TNS1: variants seen among roughly 807,000 people sequenced by gnomAD.
TNS1 encodes the protein tensin 1.
TNS1 carries 62 observed loss-of-function variants against 168.6 expected under a neutral mutation model. That is an observed-to-expected ratio of 0.37 (90% CI 0.30 to 0.45). The LOEUF (loss-of-function observed/expected upper bound fraction) is 0.45. TNS1 is among the 20% of genes least tolerant of loss of function. TNS1 has a pLI of 1.00. For missense variants in TNS1, 2,240 were observed against 2,339.4 expected, an observed-to-expected ratio of 0.96 and a Z score of 0.88; for synonymous variants, 934 against 933.2, an observed-to-expected ratio of 1.00 and a Z score of -0.02.
rs1942244766 is a variant in TNS1 at position 217,818,301 on chromosome 2, G to T, written c.4031C>A (p.Thr1344Asn). The T allele has an allele frequency of 6.2e-7, 1 of 1,613,624 alleles. No homozygotes were observed. Among genetic ancestry groups the T allele is most frequent in the Non-Finnish European group, 8.5e-7 (1 of 1,179,804 alleles). Reference protein sequence around the residue: ...VSSPQSSAATTPGSPSLCRHP... With the variant: ...VSSPQSSAATNPGSPSLCRHP... Reference sequence around the variant, plus strand: ...CCGACACAGGCTGGGGCTCCCCGGGGTGGTCGCTGCACTGCTCTGGGGGCT... The same window carrying T: ...CCGACACAGGCTGGGGCTCCCCGGGTTGGTCGCTGCACTGCTCTGGGGGCT... The change falls in exon 24 of 33, where the codon ACC becomes AAC. Residue 1344 changes from threonine to asparagine, a missense_variant. By Grantham distance (65) the Thr-to-Asn change is moderately conservative. Around this residue, in one of 2 missense-constraint regions of TNS1, gnomAD observed 2,131 missense variants for 2,171.2 expected, o/e 0.98. Coordinates refer to ENST00000682258, the MANE Select transcript of TNS1 (RefSeq NM_001387777.1).
rs554190041 is a variant in TNS1, at chr2:217,837,923, T to A, written c.3008-1712A>T. Reference sequence around the variant, plus strand: ...CAACCCCAGGCTCCCAGGCCTTAGCTCCCCGGAGCCCCCATCCCACTCAGG... The same window carrying A: ...CAACCCCAGGCTCCCAGGCCTTAGCACCCCGGAGCCCCCATCCCACTCAGG... On this transcript the variant is annotated intron_variant, in intron 19 of 32. Coordinates refer to ENST00000682258, the MANE Select transcript of TNS1 (RefSeq NM_001387777.1). Among the ~76,000 whole-genome samples, 29 of 152,236 alleles carry A rather than the reference T, an allele frequency of 1.9e-4. No individual in the cohort carries two copies. The South Asian group carries it at 6.0e-3, about 32-fold the overall frequency.
chr2:217,848,906 G>T lies in TNS1; in HGVS notation c.1611C>A (p.Ser537=), dbSNP rs376304421. 205 of 1,614,102 alleles carry T rather than the reference G, an allele frequency of 1.3e-4. No homozygotes were observed. The highest frequency in any genetic ancestry group is 1.7e-4 in the Non-Finnish European group (202 of 1,180,042). The change falls in exon 19 of 33, where the codon TCC becomes TCA. Residue 537 remains serine, a synonymous_variant. Coordinates refer to ENST00000682258, the MANE Select transcript of TNS1 (RefSeq NM_001387777.1). ...VSSDSGNSTA[S]TKTDKTDEPV... ...GCTCGTCGGTCTTGTCGGTCTTGGT[G>T]GAGGCTGTGGAGTTGCCCGAGTCGC...
At chr2:217,834,806 G>A (rs999774386) in intron 21 of TNS1, among the ~76,000 whole-genome samples, 1 of 152,176 alleles carries the variant, frequency 6.6e-6, no homozygotes, top group African/African-American at 2.4e-5. Context: ...CTCAAAACAA[G>A]TAAGAAAACT....
In TNS1 at chr2:218,032,423, G is replaced by C. The variant is rs1378249740; in HGVS notation, c.156+1397C>G. On this transcript the variant is annotated intron_variant, in intron 1 of 1. Coordinates refer to the TNS1 transcript ENST00000649572. The surrounding 1 kb of genome is among the most constrained non-coding windows in gnomAD (Gnocchi z 4.0). ...GGAGAGGGCTGTGCTGAGGGGACAG[G>C]AGAATAGCGAGGCTGGGTGTGGACA... Among the ~76,000 whole-genome samples, 1 of 152,184 alleles carries C rather than the reference G, an allele frequency of 6.6e-6. No homozygotes were observed. Among genetic ancestry groups the C allele is most frequent in the Non-Finnish European group, 1.5e-5 (1 of 68,026 alleles).
Position 217,803,158 on chromosome 2 carries a change from C to G in TNS1, c.*1301G>C, listed in dbSNP as rs1184690439. The G allele has an allele frequency of 6.6e-6, 1 of 152,244 alleles. No homozygotes were observed. Among genetic ancestry groups the G allele is most frequent in the Non-Finnish European group, 1.5e-5 (1 of 68,044 alleles). 9.4% of individuals were successfully genotyped at this position (152,244 alleles called of 1,614,324 possible). A position where few individuals can be genotyped will look rare whatever the true frequency, so the allele number is the denominator to read the frequency against. ...CTCTGCTGAGGTCAGAGGGTGCCTGCAAAAGCCAGACCCTAAAACACTTAC... is the reference window on the plus strand; with the variant it reads ...CTCTGCTGAGGTCAGAGGGTGCCTGGAAAAGCCAGACCCTAAAACACTTAC... On this transcript the variant is annotated 3_prime_UTR_variant, in exon 33 of 33. Transcript: ENST00000682258.
In TNS1 at chr2:217,882,421, G is replaced by C. The variant is rs201517083; in HGVS notation, c.1247-10C>G. On this transcript the variant is annotated splice_polypyrimidine_tract_variant and intron_variant, in intron 16 of 32. Coordinates refer to ENST00000682258, the MANE Select transcript of TNS1 (RefSeq NM_001387777.1). ...TCTGGAAATCGATCATCTGGAAAAAGAGAAGGAAAAATAAAAATAGGCAAA... is the reference window on the plus strand; with the variant it reads ...TCTGGAAATCGATCATCTGGAAAAACAGAAGGAAAAATAAAAATAGGCAAA... 1.5e-3 allele frequency: 2,416 copies of C among 1,584,792 alleles called. 2 individuals carry two copies. Among genetic ancestry groups the C allele is most frequent in the African/African-American group, 2.2e-3 (161 of 73,238 alleles).
rs551361613 is a variant in TNS1 at position 217,866,654 on chromosome 2, T to G, written c.1429+14244A>C. 5.0e-3 allele frequency among the ~76,000 whole-genome samples: 754 copies of G among 152,244 alleles called. 6 individuals are homozygous for G. Among genetic ancestry groups the G allele is most frequent in the African/African-American group, 0.017 (712 of 41,530 alleles). On this transcript the variant is annotated intron_variant, in intron 18 of 32. Coordinates refer to ENST00000682258, the MANE Select transcript of TNS1 (RefSeq NM_001387777.1). ...GACCCGGCAGACAGCGGCAGGCAGC[T>G]CCTCAACCAGAGCAGAATTAGCTAG...
rs527339331 is a variant in TNS1, at chr2:217,930,963, G to A, written c.187-10727C>T. On this transcript the variant is annotated intron_variant, in intron 3 of 32. Transcript: ENST00000682258. Reference sequence around the variant, plus strand: ...CTGCTCAAGGAAAGGGCTGTGGTCTGTGGTCATGGTTCTAGTGGAACTGGT... The same window carrying A: ...CTGCTCAAGGAAAGGGCTGTGGTCTATGGTCATGGTTCTAGTGGAACTGGT... Among the ~76,000 whole-genome samples the A allele has an allele frequency of 5.3e-5, 8 of 152,276 alleles. No homozygotes were observed. In the South Asian group the frequency reaches 1.7e-3, roughly 32 times the overall value.
chr2:217,813,632 A>T lies in TNS1; in HGVS notation c.4861+53T>A. ...GGGTCCCTCCAGCACCTCCAGGTTT[A>T]GCGACTGTAAAGCTCACCTGGTCCT... On this transcript the variant is annotated intron_variant, in intron 26 of 32. Transcript: ENST00000682258. The surrounding 1 kb of genome is among the most constrained non-coding windows in gnomAD (Gnocchi z 4.0). 6.4e-7 allele frequency: 1 copy of T among 1,552,798 alleles called. No individual in the cohort carries two copies. The highest frequency in any genetic ancestry group is 8.7e-7 in the Non-Finnish European group (1 of 1,149,034).
At chr2:217,947,134 C>A (rs901958393) in intron 3 of TNS1, among the ~76,000 whole-genome samples, 2 of 152,068 alleles carry the variant, frequency 1.3e-5, no homozygotes, top group Non-Finnish European at 2.9e-5. Context: ...CTTAAGCCAA[C>A]CCATGCTCCT....
chr2:217,873,804 C>A (rs1949979672), intron 18 of TNS1, among the ~76,000 whole-genome samples: 1 of 152,194 alleles, frequency 6.6e-6, no homozygotes, highest in Non-Finnish European at 1.5e-5. Flanking sequence ...AGAGGGCATT[C>A]AATGCCTCCA....
At chr2:217,859,950 A>G (rs1204419236) in intron 18 of TNS1, among the ~76,000 whole-genome samples, 1 of 152,112 alleles carries the variant, frequency 6.6e-6, no homozygotes, top group African/African-American at 2.4e-5. Flanking sequence ...TCCCAACCCA[A>G]TTCTCAGAGT....
chr2:217,926,927 C>T (rs1203082689), intron 3 of TNS1, among the ~76,000 whole-genome samples: 1 of 152,232 alleles, frequency 6.6e-6, no homozygotes, highest in African/African-American at 2.4e-5. Flanking sequence ...GGACAGGGCC[C>T]ATGCTGTGGC....
chr2:218,028,191 T>C (rs965329670), intron 1 of TNS1, among the ~76,000 whole-genome samples: 3 of 152,190 alleles, frequency 2.0e-5, no homozygotes, highest in Non-Finnish European at 2.9e-5. Context: ...CCTGCACACA[T>C]TCTTATCTGA....
intron 12 of TNS1, among the ~76,000 whole-genome samples, chr2:217,889,457 G>T (rs1951530831): frequency 6.6e-6 from 1 of 152,192 alleles, no homozygotes; most frequent in Non-Finnish European, 1.5e-5. Flanking sequence ...GGGCTAAAAA[G>T]GCAAATAGGA....
intron 5 of TNS1, 22 bp downstream of exon 5, chr2:217,907,188 A>C: frequency 1.4e-6 from 1 of 701,396 alleles, no homozygotes; most frequent in South Asian, 1.5e-5. Flanking sequence ...CAGCTCCCCC[A>C]CCACCACCTG....
At chr2:218,010,013 TG>T (rs776972881) in intron 1 of TNS1, 44 of 284,672 alleles carry the variant, frequency 1.5e-4, no homozygotes, top group Non-Finnish European at 2.4e-4. Context: ...TCAGATCGAA[TG>T]CCCAGGAGAC....
intron 1 of TNS1, among the ~76,000 whole-genome samples, chr2:218,030,031 T>C (rs1326317708): frequency 6.6e-6 from 1 of 152,104 alleles, no homozygotes; most frequent in African/African-American, 2.4e-5. Context: ...CCCAAGTTAG[T>C]CATGGCCCCA....
chr2:217,913,195 A>G (rs1954628136), intron 4 of TNS1, among the ~76,000 whole-genome samples: 1 of 152,138 alleles, frequency 6.6e-6, no homozygotes, highest in Non-Finnish European at 1.5e-5. Context: ...CAGGGGCCAC[A>G]TCCCCTCCCA....
Sources: gnomAD v4.1 joint callset for allele counts (sites outside exome capture counted in the v4.1 genomes callset) on GRCh38, gnomAD v4.1.1 for gene constraint, gnomAD v4.1.1 regional missense constraint, Gnocchi (gnomAD v3.1) non-coding constraint, MANE v1.5 for transcripts, NCBI Gene and HGNC (gene_info 2026-07-23, HGNC 2026-07-21) for gene names.